NCALD: variants seen among roughly 807,000 people sequenced by gnomAD.
NCALD encodes the protein neurocalcin-delta.
NCALD carries 10 observed loss-of-function variants against 18.6 expected under a neutral mutation model. That is an observed-to-expected ratio of 0.54 (90% CI 0.33 to 0.91). The LOEUF (loss-of-function observed/expected upper bound fraction) is 0.91, where lower values mean the gene tolerates loss of function less well. Among genes scored for constraint, NCALD ranks in the 40% least tolerant of loss-of-function variants. The pLI is 0.03. For missense variants in NCALD, 184 were observed against 247.6 expected (o/e 0.74, Z 1.72); for synonymous variants, 88 against 87.4 (o/e 1.01, Z -0.04).
At chr8:101,743,758 G>A (rs13252722) in intron 1 of NCALD, among the ~76,000 whole-genome samples, 93,446 of 152,040 alleles carry the variant, frequency 0.61, 31,281 homozygotes, top group Non-Finnish European at 0.75. Flanking sequence ...TATCAGAATC[G>A]AATTATAAAA....
At chr8:101,868,589 T>C (rs550390736) in intron 4 of NCALD, among the ~76,000 whole-genome samples, 11 of 152,286 alleles carry the variant, frequency 7.2e-5, no homozygotes, top group African/African-American at 2.4e-4. Flanking sequence ...GATGTTTGCA[T>C]AGGAGCATAA....
intron 1 of NCALD, among the ~76,000 whole-genome samples, chr8:102,043,542 A>C (rs1033141372): frequency 6.6e-6 from 1 of 151,812 alleles, no homozygotes; most frequent in Non-Finnish European, 1.5e-5. Flanking sequence ...AAAGGTCAAA[A>C]GAATTGAGAC....
intron 1 of NCALD, among the ~76,000 whole-genome samples, chr8:102,062,321 T>G (rs1430720766): frequency 6.6e-6 from 1 of 152,080 alleles, no homozygotes; most frequent in Non-Finnish European, 1.5e-5. Flanking sequence ...ACAACAAAAG[T>G]CAGAGTAGAG....
In NCALD at chr8:101,713,346, C is replaced by T. The variant is rs534094939; in HGVS notation, c.378+5906G>A. Among the ~76,000 whole-genome samples the T allele has an allele frequency of 2.6e-5, 4 of 151,900 alleles. No individual in the cohort carries two copies. The South Asian group carries it at 8.3e-4, about 32-fold the overall frequency. ...GCAGAAAATATCTAAAATTGACACC[C>T]TAACATCACAATTAAAAGAACTAGA... On this transcript the variant is annotated intron_variant, in intron 2 of 3. Transcript: ENST00000220931.
chr8:101,872,052 T>C lies in NCALD; in HGVS notation c.-20+15089A>G, dbSNP rs375166487. ...TGATGTCTCCTTCCAAGTAAACAAATACCATGGGCAGATTCCTATCAGGAT... is the reference window on the plus strand; with the variant it reads ...TGATGTCTCCTTCCAAGTAAACAAACACCATGGGCAGATTCCTATCAGGAT... On this transcript the variant is annotated intron_variant, in intron 4 of 6. Coordinates refer to the NCALD transcript ENST00000311028. 1,228 of 1,368,240 alleles carry C rather than the reference T, an allele frequency of 9.0e-4. 17 individuals carry two copies. In the South Asian group the frequency reaches 0.014, roughly 15 times the overall value. 84.8% of individuals were successfully genotyped at this position (1,368,240 alleles called of 1,614,324 possible).
At chr8:101,864,748 C>T (rs540163149) in intron 4 of NCALD, among the ~76,000 whole-genome samples, 5 of 152,086 alleles carry the variant, frequency 3.3e-5, no homozygotes, top group Non-Finnish European at 7.4e-5. Flanking sequence ...GTGCCCAACA[C>T]TACGCCCAGC....
At chr8:101,950,808 C>A (rs759580268) in intron 2 of NCALD, among the ~76,000 whole-genome samples, 1 of 152,200 alleles carries the variant, frequency 6.6e-6, no homozygotes, top group Non-Finnish European at 1.5e-5. Flanking sequence ...AATCCAAGCC[C>A]AACCAAGCTC....
chr8:102,083,767 C>A (rs1824637945), intron 1 of NCALD, among the ~76,000 whole-genome samples: 1 of 152,204 alleles, frequency 6.6e-6, no homozygotes, highest in Non-Finnish European at 1.5e-5. Context: ...CTACTTCCTG[C>A]TGTCAAAGAG....
At chr8:101,710,268 G>A (rs910755184) in intron 2 of NCALD, among the ~76,000 whole-genome samples, 5 of 152,184 alleles carry the variant, frequency 3.3e-5, no homozygotes, top group South Asian at 2.1e-4. Context: ...TTCACAACCC[G>A]CAGACTGGGA....
intron 2 of NCALD, among the ~76,000 whole-genome samples, chr8:101,966,819 T>C (rs1277762581): frequency 1.3e-5 from 2 of 152,154 alleles, no homozygotes; most frequent in Non-Finnish European, 1.5e-5. Flanking sequence ...CACAGCATTA[T>C]TTTTAATGAT....
intron 1 of NCALD, among the ~76,000 whole-genome samples, chr8:102,111,667 A>T (rs1476803240): frequency 6.6e-6 from 1 of 152,180 alleles, no homozygotes; most frequent in African/African-American, 2.4e-5. Context: ...CTTGCCATAT[A>T]ATCCAAATTA....
At chr8:101,894,918 G>A (rs925608128) in intron 3 of NCALD, among the ~76,000 whole-genome samples, 9 of 150,688 alleles carry the variant, frequency 6.0e-5, no homozygotes, top group Admixed American at 2.0e-4. Flanking sequence ...ATTCACAGCC[G>A]AATTCTACCA....
intron 1 of NCALD, among the ~76,000 whole-genome samples, chr8:102,076,038 A>T (rs915765100): frequency 6.6e-6 from 1 of 152,014 alleles, no homozygotes; most frequent in South Asian, 2.1e-4. Context: ...TAATCTATGA[A>T]ATAGTATGTA....
At chr8:101,791,135 A>T (rs1812429622), upstream of NCALD, among the ~76,000 whole-genome samples, 1 of 152,194 alleles carries the variant, frequency 6.6e-6, no homozygotes, top group Admixed American at 6.5e-5. Context: ...TGTGAGAGAG[A>T]GAGTATGTGT....
intron 1 of NCALD, among the ~76,000 whole-genome samples, chr8:101,760,481 C>G (rs1010339829): frequency 3.3e-5 from 5 of 152,188 alleles, no homozygotes; most frequent in Admixed American, 6.5e-5. Flanking sequence ...TAAATGCAAA[C>G]TGACGTCTGG....
At chr8:101,794,740 G>C (rs1287207445), upstream of NCALD, among the ~76,000 whole-genome samples, 2 of 152,192 alleles carry the variant, frequency 1.3e-5, no homozygotes, top group African/African-American at 4.8e-5. Context: ...AAACTGAAGA[G>C]AGAGATGAAG....
At chr8:101,785,201 C>G (rs1273839159) in intron 1 of NCALD, among the ~76,000 whole-genome samples, 1 of 152,158 alleles carries the variant, frequency 6.6e-6, no homozygotes, top group African/African-American at 2.4e-5. Context: ...ACTTTGAAGA[C>G]TATCCAGCTT....
At chr8:102,118,310 A>C (rs1377836596) in intron 1 of NCALD, among the ~76,000 whole-genome samples, 1 of 152,226 alleles carries the variant, frequency 6.6e-6, no homozygotes, top group Non-Finnish European at 1.5e-5. Flanking sequence ...CTCTCACCTC[A>C]TGCTGTCAGG....
chr8:101,868,627 T>C (rs1310198045), intron 4 of NCALD, among the ~76,000 whole-genome samples: 2 of 152,208 alleles, frequency 1.3e-5, no homozygotes, highest in South Asian at 2.1e-4. Flanking sequence ...AGCCTCTGAT[T>C]GGTTGCAGAA....
Sources: gnomAD v4.1 joint callset for allele counts (sites outside exome capture counted in the v4.1 genomes callset) on GRCh38, gnomAD v4.1.1 for gene constraint, MANE v1.5 for transcripts, NCBI Gene and HGNC (gene_info 2026-07-23, HGNC 2026-07-21) for gene names.